The following PCDHA7 variants were observed in gnomAD, a reference collection of about 807,000 sequenced individuals.
PCDHA7 encodes protocadherin alpha-7.
A neutral mutation model predicts 57.2 loss-of-function variants in PCDHA7; 37 were observed. The observed-to-expected ratio is 0.65, with a 90% CI of 0.50 to 0.85. The LOEUF (loss-of-function observed/expected upper bound fraction) is 0.85. PCDHA7 is among the 40% of genes least tolerant of loss of function. The pLI is 0.00. For missense variants in PCDHA7, 1,188 were observed against 1,241.8 expected, an observed-to-expected ratio of 0.96 and a Z score of 0.65; for synonymous variants, 553 against 558.8, an observed-to-expected ratio of 0.99 and a Z score of 0.15.
At chr5:140,882,629 G>C in intron 1 of PCDHA7, 1 of 1,614,254 alleles carries the variant, frequency 6.2e-7, no homozygotes, top group Non-Finnish European at 8.5e-7. Context: ...CCATGTGGAG[G>C]TGAAGGTGAG....
At chr5:140,933,501 G>A (rs1320553451) in intron 1 of PCDHA7, among the ~76,000 whole-genome samples, 2 of 151,978 alleles carry the variant, frequency 1.3e-5, no homozygotes, top group Non-Finnish European at 2.9e-5. Flanking sequence ...GAATTGTTAA[G>A]CAAAGACTAC....
At chr5:140,978,799 A>C (rs2096824173) in intron 1 of PCDHA7, 150 bp from the exon 2 acceptor site, 2 of 1,479,066 alleles carry the variant, frequency 1.4e-6, no homozygotes, top group East Asian at 4.9e-5. Flanking sequence ...ATATATGTAG[A>C]TATCATCATA....
In PCDHA7 at chr5:140,835,554, C is replaced by T. The variant is rs2150238113; in HGVS notation, c.1171C>T (p.Pro391Ser). 7 of 1,613,942 alleles carry T rather than the reference C, an allele frequency of 4.3e-6. No individual in the cohort carries two copies. Among genetic ancestry groups the T allele is most frequent in the Non-Finnish European group, 5.9e-6 (7 of 1,179,880 alleles). ...CGGACAGGTTACCTGCTCCCTGACG[C>T]CCCGCGTTCCCTTCAAGTTGGTGTC... Reference protein sequence around the residue: ...VNGQVTCSLTPRVPFKLVSTF... With the variant: ...VNGQVTCSLTSRVPFKLVSTF... Residue 391 changes from proline to serine, a missense_variant, in exon 1 of 4, where the codon CCC becomes TCC. Physicochemically the swap from Pro to Ser is moderately conservative, Grantham distance 74. This residue lies in a region of PCDHA7 where 892 missense variants were observed against 788.5 expected (regional missense o/e 1.13). Coordinates refer to ENST00000525929, the MANE Select transcript of PCDHA7 (RefSeq NM_018910.3).
rs2092672361 is a variant in PCDHA7, at chr5:140,940,726, G to A, written c.2356-38223G>A. On this transcript the variant is annotated intron_variant, in intron 1 of 3. Coordinates refer to ENST00000525929, the MANE Select transcript of PCDHA7 (RefSeq NM_018910.3). Reference sequence around the variant, plus strand: ...ATACCTGCTGTGTGCTGTTTCAGCTGGACAGCTCCATATTTTTATGTGTGC... The same window carrying A: ...ATACCTGCTGTGTGCTGTTTCAGCTAGACAGCTCCATATTTTTATGTGTGC... 3.9e-5 allele frequency among the ~76,000 whole-genome samples: 6 copies of A among 152,124 alleles called. No homozygotes were observed. The South Asian group carries it at 1.2e-3, about 31-fold the overall frequency.
chr5:140,883,966 G>A, intron 1 of PCDHA7: 1 of 1,613,094 alleles, frequency 6.2e-7, no homozygotes. Flanking sequence ...CGGCGCTGCT[G>A]ACGCCCGGGG....
In PCDHA7 at chr5:140,898,801, A is replaced by T. The variant is rs1275933236; in HGVS notation, c.2355+62063A>T. The stretch of plus-strand genomic sequence containing the variant: ...TGGGCAGTATGGCCATTTTCACGAT[A>T]CTGATTCTTCCTACCCATGAGCATG... On this transcript the variant is annotated intron_variant, in intron 1 of 3. Coordinates refer to ENST00000525929, the MANE Select transcript of PCDHA7 (RefSeq NM_018910.3). Among the ~76,000 whole-genome samples the T allele has an allele frequency of 1.3e-5, 2 of 152,200 alleles. 1 individual carries two copies. The highest frequency in any genetic ancestry group is 3.8e-4 in the East Asian group (2 of 5,198).
At chr5:140,949,783 G>A (rs1181020228) in intron 1 of PCDHA7, among the ~76,000 whole-genome samples, 1 of 151,784 alleles carries the variant, frequency 6.6e-6, no homozygotes, top group Non-Finnish European at 1.5e-5. Context: ...GATATGTTTA[G>A]ATTTGTGTCC....
At position 140,936,025 on chromosome 5, in the gene PCDHA7, G is replaced by A. The variant is rs542573400; in HGVS notation, c.2356-42924G>A. On this transcript the variant is annotated intron_variant, in intron 1 of 3. Coordinates refer to ENST00000525929, the MANE Select transcript of PCDHA7 (RefSeq NM_018910.3). ...CTCCCACCTCAGCCTCCCGAGTAGC[G>A]GGGATTACAGGCACCCACCACCACA... 1.5e-3 allele frequency among the ~76,000 whole-genome samples: 222 copies of A among 151,390 alleles called. 1 individual carries two copies. The highest frequency in any genetic ancestry group is 6.8e-3 in the Middle Eastern group (2 of 294).
chr5:140,991,879 G>A (rs1464021872), intron 3 of PCDHA7, among the ~76,000 whole-genome samples: 1 of 152,174 alleles, frequency 6.6e-6, no homozygotes, highest in Non-Finnish European at 1.5e-5. Flanking sequence ...TCCTAGGGCT[G>A]CCATAACAAA....
At chr5:140,906,099 T>G (rs1377633678) in intron 1 of PCDHA7, among the ~76,000 whole-genome samples, 1 of 152,118 alleles carries the variant, frequency 6.6e-6, no homozygotes, top group African/African-American at 2.4e-5. Flanking sequence ...AGTAAGTGTG[T>G]CTTTCCCAGT....
Position 141,000,361 on chromosome 5 carries a change from G to GTCTCTCTC in PCDHA7, c.2504-9238_2504-9231dup, listed in dbSNP as rs148596731. 4.9e-4 allele frequency among the ~76,000 whole-genome samples: 13 copies of GTCTCTCTC among 26,444 alleles called. No individual in the cohort carries two copies. In the East Asian group the frequency reaches 6.3e-3, roughly 13 times the overall value. The allele number at this position is 26,444 out of a possible 152,430, so 17.3% of individuals were successfully genotyped here. A position where few individuals can be genotyped will look rare whatever the true frequency, so the allele number is the denominator to read the frequency against. ...CCTATCTCTCTCTCTGTCTCTCTCT[G>GTCTCTCTC]TCTCTCTCTCTCTCTCTCTCTCTCT... is the stretch of plus-strand genomic sequence containing the variant. On this transcript the variant is annotated intron_variant, in intron 3 of 3. Coordinates refer to ENST00000525929, the MANE Select transcript of PCDHA7 (RefSeq NM_018910.3).
chr5:141,005,798 C>T (rs1236554438), intron 3 of PCDHA7, among the ~76,000 whole-genome samples: 1 of 143,634 alleles, frequency 7.0e-6, no homozygotes, highest in African/African-American at 2.6e-5. Context: ...GCAAAAACAA[C>T]TCCAAGGAGC....
intron 1 of PCDHA7, among the ~76,000 whole-genome samples, chr5:140,904,096 T>C (rs2153483454): frequency 6.6e-6 from 1 of 152,312 alleles, no homozygotes; most frequent in Admixed American, 6.5e-5. Flanking sequence ...AATAACTACT[T>C]TAGTGGTCAT....
At chr5:140,941,202 C>CCTTTCTTCCTTCCTTTCTTTCTTT (rs1394736170) in intron 1 of PCDHA7, among the ~76,000 whole-genome samples, 4 of 122,742 alleles carry the variant, frequency 3.3e-5, no homozygotes, top group African/African-American at 5.9e-5. Context: ...TTTCTTTCTT[C>CCTTTCTTCCTTCCTTTCTTTCTTT]CTTTCTTTCT....
At chr5:140,907,480 CA>C (rs1384591200) in intron 1 of PCDHA7, among the ~76,000 whole-genome samples, 2 of 152,212 alleles carry the variant, frequency 1.3e-5, no homozygotes, top group African/African-American at 4.8e-5. Context: ...GCAGGATAGG[CA>C]AACCCATATC....
intron 1 of PCDHA7, among the ~76,000 whole-genome samples, chr5:140,926,001 C>A (rs782316154): frequency 3.3e-5 from 5 of 152,302 alleles, no homozygotes; most frequent in Middle Eastern, 3.4e-3. Flanking sequence ...TCCGCTGCCT[C>A]GAAAAGCCAG....
chr5:140,843,136 G>C, intron 1 of PCDHA7: 1 of 1,596,026 alleles, frequency 6.3e-7, no homozygotes, highest in South Asian at 1.1e-5. Context: ...GCTACAACGC[G>C]TGGCTTTCGT....
chr5:140,928,550 C>A (rs781857799), intron 1 of PCDHA7: 1 of 1,614,160 alleles, frequency 6.2e-7, no homozygotes, highest in South Asian at 1.1e-5. Flanking sequence ...GACAATTATC[C>A]GGTTATCTTG....
intron 3 of PCDHA7, among the ~76,000 whole-genome samples, chr5:140,999,672 C>T (rs2153958475): frequency 6.6e-6 from 1 of 152,214 alleles, no homozygotes; most frequent in South Asian, 2.1e-4. Context: ...TTGCGGGGGG[C>T]TCACAGAAAG....
Sources: allele counts gnomAD v4.1 joint callset (sites outside exome capture counted in the v4.1 genomes callset), GRCh38; gene constraint gnomAD v4.1.1; regional missense constraint gnomAD v4.1.1; transcripts MANE v1.5; gene names NCBI Gene and HGNC (gene_info 2026-07-23, HGNC 2026-07-21).